Variants in GSE1 observed in about 807,000 individuals in gnomAD.
GSE1 encodes genetic suppressor element 1.
GSE1 carries 32 observed loss-of-function variants against 112.6 expected under a neutral mutation model. The ratio of observed to expected loss-of-function variants is 0.28; its 90% confidence interval spans 0.21 to 0.38. The LOEUF (loss-of-function observed/expected upper bound fraction) is 0.38, where lower values mean the gene tolerates loss of function less well. Among genes scored for constraint, GSE1 ranks in the 10% least tolerant of loss-of-function variants. The pLI, the probability that GSE1 is intolerant of heterozygous loss-of-function variation, is 1.00. For synonymous variants in GSE1, 1,115 were observed against 735.6 expected (o/e 1.52, Z -8.35); for missense variants, 2,348 against 1,699.2 (o/e 1.38, Z -6.71).
In GSE1 at chr16:85,419,624, A is replaced by G. The variant is rs2048783119; in HGVS notation, c.2464+61981A>G. On this transcript the variant is annotated intron_variant, in intron 2 of 2. Transcript: ENST00000637419. This position sits in a 1 kb window ranked among gnomAD's most constrained non-coding sequence, Gnocchi z 6.5. The stretch of plus-strand genomic sequence containing the variant: ...GTGTCTCAAAAAAAAAAAACAAAAA[A>G]CAAAAAACAAAAAATAACATTATGC... 2.0e-5 allele frequency among the ~76,000 whole-genome samples: 3 copies of G among 151,876 alleles called. No homozygotes were observed. The highest frequency in any genetic ancestry group is 1.3e-4 in the Admixed American group (2 of 15,246).
chr16:85,475,710 TCTTG>T (rs902600462), intron 2 of GSE1, among the ~76,000 whole-genome samples: 23 of 152,026 alleles, frequency 1.5e-4, no homozygotes, highest in Non-Finnish European at 3.4e-4. Flanking sequence ...AACTGGAGCA[TCTTG>T]CTTGTACTGG....
upstream of GSE1, chr16:85,611,603 C>G (rs911830529): frequency 7.6e-6 from 4 of 525,880 alleles, no homozygotes; most frequent in Non-Finnish European, 9.8e-6. Context: ...TGCCCGGAGC[C>G]TTGTGCAAGG....
intron 1 of GSE1, among the ~76,000 whole-genome samples, chr16:85,258,036 G>A (rs1449455477): frequency 6.6e-6 from 1 of 152,184 alleles, no homozygotes; most frequent in Non-Finnish European, 1.5e-5. Flanking sequence ...GACTCACTTT[G>A]GGGGTCCTCA....
intron 2 of GSE1, among the ~76,000 whole-genome samples, chr16:85,646,321 G>T (rs771954956): frequency 6.6e-6 from 1 of 152,250 alleles, no homozygotes; most frequent in Non-Finnish European, 1.5e-5. Flanking sequence ...GCAAACAGAA[G>T]GTGCCCAATT....
In GSE1 at chr16:85,311,907, C is replaced by T. The variant is rs916588320; in HGVS notation, c.2284-45556C>T. Among the ~76,000 whole-genome samples the T allele has an allele frequency of 6.6e-6, 1 of 152,190 alleles. No homozygotes were observed. ...ATGAGGGTTGTGAAGTCCCTGCCTTCCCGGGTTCCCTCCGCCGGCCCAGCA... is the reference window on the plus strand; with the variant it reads ...ATGAGGGTTGTGAAGTCCCTGCCTTTCCGGGTTCCCTCCGCCGGCCCAGCA... On this transcript the variant is annotated intron_variant, in intron 1 of 2. Transcript: ENST00000637419. The surrounding 1 kb of genome is among the most constrained non-coding windows in gnomAD (Gnocchi z 4.2).
intron 1 of GSE1, among the ~76,000 whole-genome samples, chr16:85,355,297 T>C (rs1006503217): frequency 7.3e-5 from 11 of 151,722 alleles, no homozygotes; most frequent in African/African-American, 7.3e-5. Context: ...GAGCTCATCA[T>C]TGGGAAGTGG....
At position 85,673,557 on chromosome 16, in the gene GSE1, A is replaced by C. The variant is rs1470438655; in HGVS notation, c.*1018A>C. 6.6e-6 allele frequency: 1 copy of C among 151,956 alleles called. No homozygotes were observed. The highest frequency in any genetic ancestry group is 1.5e-5 in the Non-Finnish European group (1 of 68,004). The allele number at this position is 151,956 out of a possible 1,614,324, so 9.4% of individuals were successfully genotyped here. ...ATTAAAATATTGAAGTGTTTTTAAA[A>C]ATTAAAGAAGAAGAAAAGTAAAAGA... On this transcript the variant is annotated 3_prime_UTR_variant, in exon 16 of 16. Transcript: ENST00000253458.
chr16:85,321,794 A>G (rs1186270000), intron 1 of GSE1, among the ~76,000 whole-genome samples: 2 of 125,718 alleles, frequency 1.6e-5, no homozygotes, highest in Non-Finnish European at 3.4e-5. Context: ...GCCTGTCTTA[A>G]AAAAAAAAAA....
chr16:85,378,979 G>A (rs543938632), intron 2 of GSE1, among the ~76,000 whole-genome samples: 7 of 152,284 alleles, frequency 4.6e-5, no homozygotes, highest in South Asian at 2.1e-4. Flanking sequence ...TTCAGATCCT[G>A]GCTCTGGGTC....
intron 2 of GSE1, among the ~76,000 whole-genome samples, chr16:85,417,643 G>A (rs112682467): frequency 2.6e-4 from 40 of 152,352 alleles, no homozygotes; most frequent in African/African-American, 8.9e-4. Flanking sequence ...ATGTCCCTGG[G>A]TATGGAAGGC....
chr16:85,612,946 C>T (rs116088956), upstream of GSE1, among the ~76,000 whole-genome samples: 7,018 of 152,296 alleles, frequency 0.046, 506 homozygotes, highest in African/African-American at 0.15. Flanking sequence ...GTCTTAGCCA[C>T]CAAGGTCCCC....
intron 1 of GSE1, among the ~76,000 whole-genome samples, chr16:85,190,136 A>G (rs1023817769): frequency 2.0e-5 from 3 of 152,232 alleles, no homozygotes; most frequent in African/African-American, 7.2e-5. Context: ...CTCTCTATGC[A>G]TTGAGCCAGT....
At chr16:85,615,932 C>T (rs2048342177) in intron 1 of GSE1, among the ~76,000 whole-genome samples, 1 of 152,168 alleles carries the variant, frequency 6.6e-6, no homozygotes, top group South Asian at 2.1e-4. Flanking sequence ...AGGCGTGGGG[C>T]GGACACCGCG....
At chr16:85,554,616 C>T (rs954003635), upstream of GSE1, among the ~76,000 whole-genome samples, 6 of 152,326 alleles carry the variant, frequency 3.9e-5, no homozygotes, top group African/African-American at 1.4e-4. Flanking sequence ...AAACAAACCG[C>T]TCGCCCGAGG....
intron 13 of GSE1, among the ~76,000 whole-genome samples, chr16:85,667,366 C>T (rs370251379): frequency 3.9e-5 from 6 of 152,254 alleles, no homozygotes; most frequent in Non-Finnish European, 7.3e-5. Flanking sequence ...GCCATCCCCA[C>T]GGGAGGCCAG....
At chr16:85,272,138 C>G (rs1016078221) in intron 1 of GSE1, among the ~76,000 whole-genome samples, 1 of 152,246 alleles carries the variant, frequency 6.6e-6, no homozygotes, top group Non-Finnish European at 1.5e-5. Flanking sequence ...GCTGGGTGCA[C>G]ACGCAGGCCC....
At chr16:85,241,422 C>T (rs185854847) in intron 1 of GSE1, among the ~76,000 whole-genome samples, 6 of 152,348 alleles carry the variant, frequency 3.9e-5, no homozygotes. Context: ...TGCATGGCTT[C>T]ATGCTGGTAG....
intron 2 of GSE1, among the ~76,000 whole-genome samples, chr16:85,522,196 C>T (rs565000640): frequency 6.6e-6 from 1 of 152,196 alleles, no homozygotes; most frequent in Non-Finnish European, 1.5e-5. Context: ...CCTCCCACAG[C>T]CCTGGATGAG....
Position 85,665,973 on chromosome 16 carries a change from A to G in GSE1, c.2759-3A>G. ...ATATTTTCCTTCACTTTGTCTCTAA[A>G]AGAACCAGCCACGCAGCAAGCCTCT... is the stretch of plus-strand genomic sequence containing the variant. On this transcript the variant is annotated splice_region_variant and splice_polypyrimidine_tract_variant and intron_variant, in intron 12 of 15. Coordinates refer to ENST00000253458, the MANE Select transcript of GSE1 (RefSeq NM_014615.5). The G allele has an allele frequency of 6.2e-7, 1 of 1,612,968 alleles. No homozygotes were observed. The highest frequency in any genetic ancestry group is 8.5e-7 in the Non-Finnish European group (1 of 1,179,864).
Sources: gnomAD v4.1 joint callset for allele counts (sites outside exome capture counted in the v4.1 genomes callset) on GRCh38, gnomAD v4.1.1 for gene constraint, Gnocchi (gnomAD v3.1) non-coding constraint, MANE v1.5 for transcripts, NCBI Gene and HGNC (gene_info 2026-07-23, HGNC 2026-07-21) for gene names.